Variants in ANKS1B observed in about 807,000 individuals in gnomAD.
ANKS1B encodes the protein ankyrin repeat and sterile alpha motif domain containing 1B.
In ANKS1B, 36 loss-of-function variants were observed where a neutral mutation model predicts 148.3. The ratio of observed to expected loss-of-function variants is 0.24; its 90% CI spans 0.19 to 0.32. The LOEUF is 0.32. Ranked by LOEUF, ANKS1B falls within the 10% of genes least tolerant of loss-of-function variation. The pLI is 1.00. For missense variants in ANKS1B, 1,157 were observed against 1,542.6 expected, an observed-to-expected ratio of 0.75 and a Z score of 4.19; for synonymous variants, 542 against 560.8, an observed-to-expected ratio of 0.97 and a Z score of 0.47.
chr12:99,918,095 T>A (rs1264423351), intron 1 of ANKS1B, among the ~76,000 whole-genome samples: 2 of 152,192 alleles, frequency 1.3e-5, no homozygotes, highest in African/African-American at 4.8e-5. Context: ...CTCCCACCTC[T>A]GTCCATGGAA....
chr12:98,985,214 G>A (rs2099922567), intron 17 of ANKS1B, among the ~76,000 whole-genome samples: 1 of 152,126 alleles, frequency 6.6e-6, no homozygotes, highest in Non-Finnish European at 1.5e-5. Flanking sequence ...TTGGGCTCAA[G>A]TGGTCTTCCC....
intron 17 of ANKS1B, among the ~76,000 whole-genome samples, chr12:98,925,281 T>G (rs572601550): frequency 5.3e-5 from 8 of 152,310 alleles, no homozygotes; most frequent in Admixed American, 1.3e-4. Context: ...GAAATGCTGA[T>G]GATGAGACTG....
Position 99,943,325 on chromosome 12 carries a change from C to T in ANKS1B, c.134+40779G>A, listed in dbSNP as rs12322687. ...GATGTCACTGTAGGCACAAGTAAAACGGTTATAAAACTGCAGCACAAAATA... is the reference window on the plus strand; with the variant it reads ...GATGTCACTGTAGGCACAAGTAAAATGGTTATAAAACTGCAGCACAAAATA... On this transcript the variant is annotated intron_variant, in intron 1 of 26. Coordinates refer to ENST00000683438, the MANE Select transcript of ANKS1B (RefSeq NM_001352186.2). Among the ~76,000 whole-genome samples, 1,492 of 152,232 alleles carry T rather than the reference C, an allele frequency of 9.8e-3. 17 individuals are homozygous for T. The highest frequency in any genetic ancestry group is 0.027 in the Middle Eastern group (8 of 294).
intron 10 of ANKS1B, among the ~76,000 whole-genome samples, chr12:99,465,163 C>G (rs1056513234): frequency 2.0e-5 from 3 of 152,190 alleles, no homozygotes; most frequent in African/African-American, 7.2e-5. Flanking sequence ...AAAGAATTTT[C>G]AACCCAGAAT....
chr12:99,134,124 C>G (rs972578537), intron 15 of ANKS1B, among the ~76,000 whole-genome samples: 1 of 152,084 alleles, frequency 6.6e-6, no homozygotes, highest in Admixed American at 6.5e-5. Context: ...TTATAGACAA[C>G]GATTTTTTTC....
intron 17 of ANKS1B, among the ~76,000 whole-genome samples, chr12:98,946,034 A>G (rs973505333): frequency 2.6e-5 from 4 of 152,196 alleles, no homozygotes; most frequent in Non-Finnish European, 5.9e-5. Context: ...TCGATCTTGT[A>G]GTCAAGCCAA....
chr12:98,926,140 G>A (rs556452084), intron 17 of ANKS1B, among the ~76,000 whole-genome samples: 1 of 152,308 alleles, frequency 6.6e-6, no homozygotes, highest in South Asian at 2.1e-4. Flanking sequence ...CAAGCTGGAT[G>A]TGAAGGCTAA....
At position 99,543,322 on chromosome 12, in the gene ANKS1B, A is replaced by T. The variant is rs185965853; in HGVS notation, c.1273-38681T>A. 4.1e-4 allele frequency among the ~76,000 whole-genome samples: 62 copies of T among 152,234 alleles called. 1 individual carries two copies. Among genetic ancestry groups the T allele is most frequent in the Non-Finnish European group, 7.5e-4 (51 of 67,940 alleles). ...TAAAATAAAAAAGACTAACAATAGC[A>T]AAAGTTGGCAAGGATATGGAAAAAT... On this transcript the variant is annotated intron_variant, in intron 9 of 26. Transcript: ENST00000683438.
At chr12:99,063,983 A>G (rs756207242) in intron 16 of ANKS1B, among the ~76,000 whole-genome samples, 1 of 152,208 alleles carries the variant, frequency 6.6e-6, no homozygotes, top group Non-Finnish European at 1.5e-5. Flanking sequence ...AAACCCTCAG[A>G]AGTAAGAAAA....
At position 99,504,566 on chromosome 12, in the gene ANKS1B, T is replaced by C. The variant is rs1193866706; in HGVS notation, c.1348A>G (p.Asn450Asp). 5 of 1,612,696 alleles carry C rather than the reference T, an allele frequency of 3.1e-6. No homozygotes were observed. The African/African-American group carries it at 6.7e-5, about 22-fold the overall frequency. Reference sequence around the variant, plus strand: ...ATGAGATCACACAGAAAGTTCTCATTTTCTGAAGGAAATGTATCCAGAGAA... The same window carrying C: ...ATGAGATCACACAGAAAGTTCTCATCTTCTGAAGGAAATGTATCCAGAGAA... ...SASLDTFPSE[N>D]ENFLCDLMDT... Residue 450 changes from asparagine to aspartate, a missense_variant, in exon 10 of 27, where the codon AAT becomes GAT. Coordinates refer to ENST00000683438, the MANE Select transcript of ANKS1B (RefSeq NM_001352186.2).
intron 14 of ANKS1B, among the ~76,000 whole-genome samples, chr12:99,241,375 A>G (rs1486116730): frequency 6.6e-6 from 1 of 152,224 alleles, no homozygotes; most frequent in East Asian, 1.9e-4. Flanking sequence ...GAATAGACCA[A>G]TAACAGGTTC....
intron 17 of ANKS1B, among the ~76,000 whole-genome samples, chr12:98,958,571 A>C (rs1176588028): frequency 6.6e-6 from 1 of 152,260 alleles, no homozygotes; most frequent in Non-Finnish European, 1.5e-5. Flanking sequence ...GTATACATAC[A>C]TGTACACACA....
chr12:99,619,377 C>T (rs2098015845), intron 9 of ANKS1B, among the ~76,000 whole-genome samples: 1 of 151,994 alleles, frequency 6.6e-6, no homozygotes, highest in South Asian at 2.1e-4. Context: ...GACCTCCAGG[C>T]ATTTAGAGCA....
chr12:99,468,329 A>G (rs1008882793), intron 10 of ANKS1B, among the ~76,000 whole-genome samples: 8 of 152,220 alleles, frequency 5.3e-5, no homozygotes, highest in African/African-American at 1.4e-4. Context: ...CTAAAACCAT[A>G]AAAACCCTAG....
intron 8 of ANKS1B, among the ~76,000 whole-genome samples, chr12:99,693,144 A>G (rs1020325219): frequency 6.6e-6 from 1 of 152,252 alleles, no homozygotes; most frequent in African/African-American, 2.4e-5. Context: ...GAAAAATAGT[A>G]TAAAGTCATT....
intron 20 of ANKS1B, among the ~76,000 whole-genome samples, chr12:98,804,734 G>A (rs2099036593): frequency 6.6e-6 from 1 of 152,098 alleles, no homozygotes; most frequent in Non-Finnish European, 1.5e-5. Flanking sequence ...AATGGAAGAA[G>A]AGGTCAAAAA....
At chr12:99,035,097 G>A (rs1378647496) in intron 17 of ANKS1B, among the ~76,000 whole-genome samples, 1 of 152,072 alleles carries the variant, frequency 6.6e-6, no homozygotes, top group African/African-American at 2.4e-5. Flanking sequence ...GTTTTTCTCT[G>A]ACCTTCTCCT....
chr12:99,394,783 G>A (rs939984852), intron 12 of ANKS1B, among the ~76,000 whole-genome samples: 3 of 151,954 alleles, frequency 2.0e-5, no homozygotes, highest in African/African-American at 7.3e-5. Flanking sequence ...CTCTACACAC[G>A]CTGCATATCA....
Position 98,801,072 on chromosome 12 carries a change from T to G in ANKS1B, c.3195A>C (p.Thr1065=). The change falls in exon 21 of 27, where the codon ACA becomes ACC. Residue 1065 remains threonine (T), a synonymous_variant. Transcript: ENST00000683438. This position sits in a 1 kb window ranked among gnomAD's most constrained non-coding sequence, Gnocchi z 5.2. ...GCCAGTACTGTACCGGGGTAGAGGC[T>G]GTGGCTTCATTCGGAGGTCGCAAGG... ...SITLRPPNEA[T]ASTPVQYWQH... 1.2e-6 allele frequency: 2 copies of G among 1,612,964 alleles called. No homozygotes were observed. Among genetic ancestry groups the G allele is most frequent in the Non-Finnish European group, 1.7e-6 (2 of 1,179,506 alleles).
Sources: allele counts gnomAD v4.1 joint callset (sites outside exome capture counted in the v4.1 genomes callset), GRCh38; gene constraint gnomAD v4.1.1; non-coding constraint Gnocchi (gnomAD v3.1); transcripts MANE v1.5; gene names NCBI Gene and HGNC (gene_info 2026-07-23, HGNC 2026-07-21).